TENT5D: variants seen among roughly 807,000 people sequenced by gnomAD.
TENT5D encodes terminal nucleotidyltransferase 5D, also known as cancer/testis antigen 112.
For missense variants in TENT5D, 191 were observed against 287.0 expected (o/e 0.67, Z 2.42); for synonymous variants, 103 against 100.6 (o/e 1.02, Z -0.15).
intron 3 of TENT5D, among the ~76,000 whole-genome samples, chrX:80,377,456 G>T (rs1419561407): frequency 9.0e-6 from 1 of 111,062 alleles, no homozygotes; most frequent in South Asian, 3.9e-4. Flanking sequence ...TCATTGTTCA[G>T]TTCCCACCTA....
intron 3 of TENT5D, among the ~76,000 whole-genome samples, chrX:80,344,049 A>G (rs183746952): frequency 1.8e-5 from 2 of 110,705 alleles, no homozygotes; most frequent in Admixed American, 1.9e-4. Context: ...AACATGTGGT[A>G]TTTGGTTTTC....
At chrX:80,347,641 T>C (rs1244355685) in intron 3 of TENT5D, among the ~76,000 whole-genome samples, 1 of 112,243 alleles carries the variant, frequency 8.9e-6, no homozygotes, top group Non-Finnish European at 1.9e-5. Context: ...ACACAGATGA[T>C]AGTTTCTTTT....
At chrX:80,408,889 G>A (rs1400381488) in intron 3 of TENT5D, among the ~76,000 whole-genome samples, 1 of 109,863 alleles carries the variant, frequency 9.1e-6, no homozygotes, top group Non-Finnish European at 1.9e-5. Context: ...ACATCAAAAA[G>A]CTTATCCACC....
intron 2 of TENT5D, among the ~76,000 whole-genome samples, 156 bp downstream of exon 2, chrX:80,438,888 T>C (rs1009114811): frequency 9.0e-6 from 1 of 111,349 alleles, no homozygotes; most frequent in African/African-American, 3.2e-5. Flanking sequence ...TATACAAATA[T>C]CCATTCATAG....
intron 1 of TENT5D, among the ~76,000 whole-genome samples, chrX:80,434,472 TAAG>T (rs1189225046): frequency 1.8e-5 from 2 of 111,796 alleles, no homozygotes; most frequent in Admixed American, 9.5e-5. Context: ...CATTTTTAAT[TAAG>T]AAGAATTAAA....
intron 3 of TENT5D, among the ~76,000 whole-genome samples, chrX:80,379,310 G>C (rs1220719674): frequency 1.8e-5 from 2 of 109,514 alleles, no homozygotes; most frequent in African/African-American, 6.6e-5. Context: ...ACTTGATCTT[G>C]GTGGATAAGC....
intron 1 of TENT5D, among the ~76,000 whole-genome samples, chrX:80,433,333 C>T (rs1486103950): frequency 4.5e-5 from 5 of 111,879 alleles, no homozygotes; most frequent in African/African-American, 9.7e-5. Context: ...GTGCCTGCAG[C>T]CTGATTTTTC....
At chrX:80,397,886 C>T (rs1286386076) in intron 3 of TENT5D, among the ~76,000 whole-genome samples, 1 of 111,614 alleles carries the variant, frequency 9.0e-6, no homozygotes, top group Non-Finnish European at 1.9e-5. Context: ...GCAGTACAGT[C>T]CAGCTTCGGC....
intron 1 of TENT5D, among the ~76,000 whole-genome samples, chrX:80,430,321 C>T (rs1157108620): frequency 9.0e-6 from 1 of 111,265 alleles, no homozygotes; most frequent in Non-Finnish European, 1.9e-5. Flanking sequence ...ACAGAAGCAA[C>T]AGCGAAATTA....
chrX:80,360,117 C>G lies in TENT5D; in HGVS notation c.-142+17553C>G, dbSNP rs1300715595. Among the ~76,000 whole-genome samples the G allele has an allele frequency of 3.6e-5, 4 of 111,809 alleles. No homozygotes were observed. The East Asian group carries it at 1.1e-3, about 31-fold the overall frequency. On this transcript the variant is annotated intron_variant, in intron 3 of 4. Transcript: ENST00000538312. ...AAATCAGTTTATAGCTTTTCCTGTA[C>G]TACCTAATTACAAAATCATCTTTCC...
At chrX:80,414,509 GGC>G (rs763882830) in intron 3 of TENT5D, among the ~76,000 whole-genome samples, 146 of 112,075 alleles carry the variant, frequency 1.3e-3, no homozygotes, top group African/African-American at 4.4e-3. Flanking sequence ...AAGGTGGTCA[GGC>G]GTACAGTTTG....
chrX:80,410,629 CT>C (rs1931636319), intron 3 of TENT5D, among the ~76,000 whole-genome samples: 1 of 100,577 alleles, frequency 9.9e-6, no homozygotes, highest in African/African-American at 3.6e-5. Context: ...AATAGGAACA[CT>C]TTTACACTGT....
chrX:80,363,423 C>T (rs923985413), intron 3 of TENT5D, among the ~76,000 whole-genome samples: 1 of 111,711 alleles, frequency 9.0e-6, no homozygotes, highest in Non-Finnish European at 1.9e-5. Flanking sequence ...TAAAATTTTA[C>T]TGTTAGTCCC....
chrX:80,382,006 G>A (rs767900753), intron 3 of TENT5D, among the ~76,000 whole-genome samples: 3 of 112,206 alleles, frequency 2.7e-5, no homozygotes, highest in Non-Finnish European at 3.8e-5. Flanking sequence ...CGTTGCTGGC[G>A]AGGAGCTGCA....
chrX:80,381,452 G>A (rs905463952), intron 3 of TENT5D, among the ~76,000 whole-genome samples: 48 of 110,690 alleles, frequency 4.3e-4, no homozygotes, highest in African/African-American at 1.5e-3. Context: ...TGCTTTTCTC[G>A]AGGAGTATCT....
chrX:80,432,552 G>A (rs756349858), intron 1 of TENT5D, among the ~76,000 whole-genome samples: 7 of 111,663 alleles, frequency 6.3e-5, no homozygotes, highest in Non-Finnish European at 1.3e-4. Flanking sequence ...AGAAGCCTTG[G>A]AAATGAAAGT....
chrX:80,349,279 G>T (rs1046511136), intron 3 of TENT5D, among the ~76,000 whole-genome samples: 1 of 111,480 alleles, frequency 9.0e-6, no homozygotes, highest in Non-Finnish European at 1.9e-5. Flanking sequence ...CTGTTATTCT[G>T]TCTGGTCCTG....
intron 3 of TENT5D, among the ~76,000 whole-genome samples, chrX:80,377,755 A>C (rs370700380): frequency 8.9e-6 from 1 of 111,897 alleles, no homozygotes; most frequent in African/African-American, 3.3e-5. Context: ...ATACCCAGTA[A>C]TGGGGTCCCT....
chrX:80,418,462 G>C (rs889632811), upstream of TENT5D, among the ~76,000 whole-genome samples: 2 of 111,562 alleles, frequency 1.8e-5, no homozygotes, highest in African/African-American at 6.5e-5. Flanking sequence ...AGTCAAAAGA[G>C]AATGACACTA....
Sources: allele counts gnomAD v4.1 joint callset (sites outside exome capture counted in the v4.1 genomes callset), GRCh38; gene constraint gnomAD v4.1.1; transcripts MANE v1.5; gene names NCBI Gene and HGNC (gene_info 2026-07-23, HGNC 2026-07-21).